Variants in MIA2 observed in about 807,000 individuals in gnomAD.
MIA2 encodes the protein MIA SH3 domain ER export factor 2.
A neutral mutation model predicts 167.8 loss-of-function variants in MIA2; 127 were observed. That is an observed-to-expected ratio of 0.76 (90% CI 0.66 to 0.88). MIA2 has a LOEUF of 0.88. Among genes scored for constraint, MIA2 ranks in the 40% least tolerant of loss-of-function variants. The pLI, the probability that MIA2 is intolerant of heterozygous loss-of-function variation, is 0.00. For missense variants in MIA2, 1,690 were observed against 1,624.7 expected (o/e 1.04, Z -0.69); for synonymous variants, 552 against 541.9 (o/e 1.02, Z -0.26).
Position 39,308,433 on chromosome 14 carries a change from T to G in MIA2, c.2879-16T>G. 7.0e-7 allele frequency: 1 copy of G among 1,433,832 alleles called. No individual in the cohort carries two copies. Among genetic ancestry groups the G allele is most frequent in the African/African-American group, 1.5e-5 (1 of 67,852 alleles). The allele number at this position is 1,433,832 out of a possible 1,614,324, so 88.8% of individuals were successfully genotyped here. On this transcript the variant is annotated splice_polypyrimidine_tract_variant and intron_variant, in intron 17 of 28. Transcript: ENST00000640607. ...AAATGTTTCTCCTTTAATTATGACT[T>G]AAAATTTTTATATAGAGCATATTAA...
chr14:39,296,605 CTTTTTTTTTT>C (rs56677159), intron 13 of MIA2, among the ~76,000 whole-genome samples: 1 of 138,690 alleles, frequency 7.2e-6, no homozygotes, highest in African/African-American at 2.7e-5. Flanking sequence ...CTTTTCTTTT[CTTTTTTTTTT>C]TTTTTAATTT....
chr14:39,373,145 TG>T (rs1202550645), intron 23 of MIA2, among the ~76,000 whole-genome samples: 1 of 152,206 alleles, frequency 6.6e-6, no homozygotes, highest in African/African-American at 2.4e-5. Context: ...ACATTTATTG[TG>T]TTTCAATGAA....
intron 9 of MIA2, among the ~76,000 whole-genome samples, chr14:39,288,806 C>T (rs1367745349): frequency 6.6e-6 from 1 of 152,008 alleles, no homozygotes; most frequent in Non-Finnish European, 1.5e-5. Context: ...ATAAATACCA[C>T]TTGATCCCAA....
chr14:39,304,033 ACTTT>A (rs1050833374), intron 16 of MIA2, among the ~76,000 whole-genome samples: 3 of 152,104 alleles, frequency 2.0e-5, no homozygotes, highest in Admixed American at 1.3e-4. Context: ...GAAAATAGTC[ACTTT>A]CTTAAGCAGC....
chr14:39,318,767 G>A (rs773764975), intron 22 of MIA2, among the ~76,000 whole-genome samples: 1 of 152,050 alleles, frequency 6.6e-6, no homozygotes, highest in East Asian at 1.9e-4. Context: ...TGAGTGTCAC[G>A]TTACAATGGA....
chr14:39,327,869 T>C (rs141482681), intron 25 of MIA2, among the ~76,000 whole-genome samples: 4 of 152,200 alleles, frequency 2.6e-5, no homozygotes, highest in African/African-American at 4.8e-5. Flanking sequence ...CAGTCTGACA[T>C]TGATGGGCAT....
intron 17 of MIA2, among the ~76,000 whole-genome samples, chr14:39,307,483 G>A (rs918888347): frequency 7.6e-6 from 1 of 131,926 alleles, no homozygotes; most frequent in Non-Finnish European, 1.5e-5. Flanking sequence ...CTCACTGCAC[G>A]CTCTGCCTCC....
At chr14:39,335,380 A>G (rs1031168883) in intron 25 of MIA2, among the ~76,000 whole-genome samples, 2 of 152,212 alleles carry the variant, frequency 1.3e-5, no homozygotes, top group Non-Finnish European at 1.5e-5. Context: ...TTTTCTTAAC[A>G]TGTTTCTACT....
chr14:39,325,476 T>C (rs2067310789), intron 24 of MIA2, among the ~76,000 whole-genome samples: 1 of 149,926 alleles, frequency 6.7e-6, no homozygotes, highest in African/African-American at 2.5e-5. Flanking sequence ...CAAGCCATTC[T>C]TCTGCCTCAG....
intron 4 of MIA2, among the ~76,000 whole-genome samples, chr14:39,250,457 A>G (rs549182909): frequency 1.5e-4 from 23 of 152,106 alleles, no homozygotes; most frequent in African/African-American, 5.1e-4. Flanking sequence ...GCACGTTGAG[A>G]GGCCGAGGCA....
chr14:39,303,954 T>C (rs1160267550), intron 16 of MIA2, among the ~76,000 whole-genome samples: 2 of 152,090 alleles, frequency 1.3e-5, no homozygotes, highest in Non-Finnish European at 2.9e-5. Context: ...TTTGCTGATC[T>C]ATGTGAAGTC....
intron 23 of MIA2, among the ~76,000 whole-genome samples, chr14:39,357,180 G>T (rs2074551469): frequency 6.6e-6 from 1 of 152,090 alleles, no homozygotes; most frequent in African/African-American, 2.4e-5. Context: ...TTATTTTGTG[G>T]GAGTCTTAGT....
chr14:39,294,354 C>T (rs2061127019), intron 12 of MIA2, among the ~76,000 whole-genome samples: 2 of 152,100 alleles, frequency 1.3e-5, no homozygotes, highest in Admixed American at 6.6e-5. Context: ...TGTGCCACCA[C>T]ACCCGGCTAA....
chr14:39,234,199 CT>C lies in MIA2; in HGVS notation c.87del (p.Lys31AsnfsTer10). 1 of 1,608,580 alleles carries C rather than the reference CT, an allele frequency of 6.2e-7. No homozygotes were observed. Among genetic ancestry groups the C allele is most frequent in the Non-Finnish European group, 8.5e-7 (1 of 1,177,768 alleles). ...GGAGAGTACAAAACTGCTGGCAGAC[CT>C]TAAAAAATGTGGTGACTTGGAATGT... ...CLESTKLLAD[L>X]KKCGDLECEA... On this transcript the variant is annotated frameshift_variant, in exon 1 of 29. Transcript: ENST00000640607. LOFTEE classifies it high-confidence loss of function.
intron 25 of MIA2, among the ~76,000 whole-genome samples, chr14:39,335,102 A>G (rs2070037349): frequency 6.6e-6 from 1 of 152,146 alleles, no homozygotes; most frequent in South Asian, 2.1e-4. Flanking sequence ...AACAAACAAA[A>G]TAGTGACTTC....
intron 4 of MIA2, among the ~76,000 whole-genome samples, chr14:39,248,733 G>A (rs2054420200): frequency 6.6e-6 from 1 of 151,808 alleles, no homozygotes; most frequent in South Asian, 2.1e-4. Flanking sequence ...AGAAACCTAA[G>A]CTAAGGGAAA....
chr14:39,333,525 G>A (rs1344981165), intron 25 of MIA2, among the ~76,000 whole-genome samples: 1 of 152,116 alleles, frequency 6.6e-6, no homozygotes, highest in African/African-American at 2.4e-5. Context: ...CATTGCCTCA[G>A]GCTTGGGCTC....
At chr14:39,380,964 T>C (rs1043256346) in intron 23 of MIA2, among the ~76,000 whole-genome samples, 2 of 151,276 alleles carry the variant, frequency 1.3e-5, no homozygotes, top group Admixed American at 6.6e-5. Context: ...CTAAACTATG[T>C]CCTTTCTTAA....
At chr14:39,304,690 A>C (rs1002563222) in intron 17 of MIA2, among the ~76,000 whole-genome samples, 17 of 152,190 alleles carry the variant, frequency 1.1e-4, no homozygotes, top group African/African-American at 3.4e-4. Context: ...AAAAAGTAGC[A>C]AATTGAAACT....
Sources: gnomAD v4.1 joint callset for allele counts (sites outside exome capture counted in the v4.1 genomes callset) on GRCh38, gnomAD v4.1.1 for gene constraint, MANE v1.5 for transcripts, NCBI Gene and HGNC (gene_info 2026-07-23, HGNC 2026-07-21) for gene names.